Variants in GALK2 observed in about 807,000 individuals in gnomAD.
GALK2 encodes the protein N-acetylgalactosamine kinase.
Under a neutral mutation model 52.4 loss-of-function variants are expected in GALK2, and 36 were observed. The observed-to-expected ratio is 0.69, with a 90% confidence interval of 0.53 to 0.91. GALK2 has a LOEUF of 0.91. GALK2 is among the 40% of genes least tolerant of loss of function. The probability of loss-of-function intolerance (pLI) is 0.00; values close to 1 mark genes in which losing one functional copy is unlikely to be tolerated. For synonymous variants in GALK2, 176 were observed against 199.1 expected, an observed-to-expected ratio of 0.88 and a Z score of 0.98; for missense variants, 579 against 559.1, an observed-to-expected ratio of 1.04 and a Z score of -0.36.
intron 5 of GALK2, among the ~76,000 whole-genome samples, chr15:49,274,874 G>C (rs923815762): frequency 1.5e-4 from 23 of 152,004 alleles, no homozygotes; most frequent in Non-Finnish European, 3.4e-4. Flanking sequence ...AGGTCTTCAG[G>C]GGCAATAACA....
chr15:49,300,413 G>T (rs932544142), intron 8 of GALK2, among the ~76,000 whole-genome samples: 1 of 152,062 alleles, frequency 6.6e-6, no homozygotes, highest in Non-Finnish European at 1.5e-5. Context: ...TGTCTTTTAA[G>T]TGGGGCATTT....
At chr15:49,219,316 G>A (rs1475473215) in intron 3 of GALK2, among the ~76,000 whole-genome samples, 1 of 152,158 alleles carries the variant, frequency 6.6e-6, no homozygotes, top group Admixed American at 6.5e-5. Context: ...AAAAATGGGA[G>A]TTTCCCTGCA....
chr15:49,184,881 A>G lies in GALK2; in HGVS notation c.53+14506A>G, dbSNP rs939688997. 2.6e-5 allele frequency among the ~76,000 whole-genome samples: 4 copies of G among 152,336 alleles called. No individual in the cohort carries two copies. The East Asian group carries it at 5.8e-4, about 22-fold the overall frequency. ...ATGTTTTAGTCTTTCTACTCAAGAT[A>G]TAAGTAGTATACATGCCACAATTAT... On this transcript the variant is annotated intron_variant, in intron 1 of 9. Coordinates refer to ENST00000560031, the MANE Select transcript of GALK2 (RefSeq NM_002044.4).
At chr15:49,292,291 A>T (rs1475660135) in intron 7 of GALK2, 36 bp from the exon 8 acceptor site, 1 of 1,578,018 alleles carries the variant, frequency 6.3e-7, no homozygotes, top group Non-Finnish European at 8.7e-7. Flanking sequence ...CAAATTCTGA[A>T]TCAAAACTGA....
chr15:49,201,157 T>G lies in GALK2; in HGVS notation c.54-5T>G. ...TATTCTGAAATATTGTACTTTTATT[T>G]TCAGGTTACTGAAGCTAAAGGAGAT... On this transcript the variant is annotated splice_polypyrimidine_tract_variant and splice_region_variant and intron_variant, in intron 1 of 9. Transcript: ENST00000560031. 2 of 1,557,368 alleles carry G rather than the reference T, an allele frequency of 1.3e-6. No individual in the cohort carries two copies. The highest frequency in any genetic ancestry group is 1.8e-6 in the Non-Finnish European group (2 of 1,130,100).
intron 5 of GALK2, among the ~76,000 whole-genome samples, chr15:49,257,923 T>TA (rs1205967738): frequency 6.7e-6 from 1 of 149,590 alleles, no homozygotes; most frequent in African/African-American, 2.4e-5. Flanking sequence ...ATAATTGTAA[T>TA]AAAATAACAT....
At chr15:49,275,455 T>C (rs1207151897) in intron 5 of GALK2, among the ~76,000 whole-genome samples, 1 of 152,210 alleles carries the variant, frequency 6.6e-6, no homozygotes, top group East Asian at 1.9e-4. Context: ...ATCTGTTAGG[T>C]CACTATTTAA....
At chr15:49,228,660 GAT>G (rs34288229) in intron 3 of GALK2, among the ~76,000 whole-genome samples, 545 of 14,260 alleles carry the variant, frequency 0.038, 89 homozygotes, top group East Asian at 0.15. Context: ...GTCTTTCACT[GAT>G]ATATATATAT....
At chr15:49,323,089 C>T (rs753863644) in intron 9 of GALK2, among the ~76,000 whole-genome samples, 1 of 151,534 alleles carries the variant, frequency 6.6e-6, no homozygotes. Context: ...GGAAGACAGA[C>T]GGTACAAGAG....
chr15:49,210,363 T>G (rs1595678187), intron 2 of GALK2, among the ~76,000 whole-genome samples: 1 of 152,074 alleles, frequency 6.6e-6, no homozygotes, highest in Middle Eastern at 3.4e-3. Context: ...TTGCTAGAGA[T>G]GTACCATTAG....
In GALK2 at chr15:49,217,108, T is replaced by C. The variant is rs978700230; in HGVS notation, c.143-82T>C. The C allele has an allele frequency of 2.3e-6, 3 of 1,287,856 alleles. No homozygotes were observed. In the Admixed American group the frequency reaches 6.5e-5, roughly 28 times the overall value. 79.8% of individuals were successfully genotyped at this position (1,287,856 alleles called of 1,614,324 possible). On this transcript the variant is annotated intron_variant, in intron 2 of 9. Coordinates refer to ENST00000560031, the MANE Select transcript of GALK2 (RefSeq NM_002044.4). ...CTGTTAAAACCTGGCTCATGGTCAGTTTTTTCCTGTATGTAAACTTTCTTG... is the reference window on the plus strand; with the variant it reads ...CTGTTAAAACCTGGCTCATGGTCAGCTTTTTCCTGTATGTAAACTTTCTTG...
intron 1 of GALK2, among the ~76,000 whole-genome samples, chr15:49,199,979 A>T (rs1490455290): frequency 1.3e-5 from 2 of 152,122 alleles, no homozygotes; most frequent in Non-Finnish European, 2.9e-5. Flanking sequence ...CTATTATTTT[A>T]TTACATTTTC....
chr15:49,329,486 A>G lies in GALK2; in HGVS notation c.*1327A>G. The G allele has an allele frequency of 1.0e-6, 1 of 985,308 alleles. No homozygotes were observed. Among genetic ancestry groups the G allele is most frequent in the Non-Finnish European group, 1.2e-6 (1 of 829,818 alleles). 61.0% of individuals were successfully genotyped at this position (985,308 alleles called of 1,614,324 possible). Reference sequence around the variant, plus strand: ...ATGTTTAACTCACAGATTGGGCATCACCATCTAGAATTTCAGTTTAAGGGA... The same window carrying G: ...ATGTTTAACTCACAGATTGGGCATCGCCATCTAGAATTTCAGTTTAAGGGA... On this transcript the variant is annotated 3_prime_UTR_variant, in exon 10 of 10. Coordinates refer to ENST00000560031, the MANE Select transcript of GALK2 (RefSeq NM_002044.4).
At chr15:49,176,822 A>T (rs148844332) in intron 1 of GALK2, among the ~76,000 whole-genome samples, 192 of 152,338 alleles carry the variant, frequency 1.3e-3, no homozygotes, top group African/African-American at 4.2e-3. Flanking sequence ...AAATGTAAGC[A>T]TCTGGGTTAG....
chr15:49,207,961 C>T (rs1029678729), intron 2 of GALK2, among the ~76,000 whole-genome samples: 20 of 151,996 alleles, frequency 1.3e-4, no homozygotes, highest in Non-Finnish European at 1.8e-4. Context: ...TTAGTAGAGA[C>T]GAGATTTCAC....
chr15:49,209,518 G>C (rs2088628496), intron 2 of GALK2, among the ~76,000 whole-genome samples: 1 of 152,100 alleles, frequency 6.6e-6, no homozygotes, highest in African/African-American at 2.4e-5. Flanking sequence ...TCTGTACCTA[G>C]TATGTTAAGA....
chr15:49,333,099 A>C (rs2039084809), downstream of GALK2, among the ~76,000 whole-genome samples: 1 of 151,714 alleles, frequency 6.6e-6, no homozygotes, highest in African/African-American at 2.4e-5. Context: ...AGTTAAAATC[A>C]CTCCCTCTTC....
chr15:49,276,755 T>C (rs2141720515), intron 5 of GALK2, among the ~76,000 whole-genome samples: 1 of 152,332 alleles, frequency 6.6e-6, no homozygotes, highest in East Asian at 1.9e-4. Flanking sequence ...TCATTAATGG[T>C]TCTCTGAGTT....
At chr15:49,185,404 A>G (rs758766850) in intron 1 of GALK2, among the ~76,000 whole-genome samples, 3 of 152,088 alleles carry the variant, frequency 2.0e-5, no homozygotes, top group Non-Finnish European at 2.9e-5. Flanking sequence ...GTTTGATTCC[A>G]TGTCTTTCTT....
Sources: gnomAD v4.1 joint callset for allele counts (sites outside exome capture counted in the v4.1 genomes callset) on GRCh38, gnomAD v4.1.1 for gene constraint, MANE v1.5 for transcripts, NCBI Gene and HGNC (gene_info 2026-07-23, HGNC 2026-07-21) for gene names.